TMEM71: variants seen among roughly 807,000 people sequenced by gnomAD.
The protein encoded by TMEM71 is transmembrane protein 71.
A neutral mutation model predicts 38.0 loss-of-function variants in TMEM71; 44 were observed. The ratio of observed to expected loss-of-function variants is 1.16; its 90% CI spans 0.91 to 1.49. TMEM71 has a LOEUF of 1.49. Ranked by LOEUF, TMEM71 falls within the 40% of genes most tolerant of loss-of-function variation. TMEM71 has a pLI of 0.00. For missense variants in TMEM71, 367 were observed against 348.6 expected (o/e 1.05, Z -0.42); for synonymous variants, 133 against 122.5 (o/e 1.09, Z -0.56).
intron 7 of TMEM71, among the ~76,000 whole-genome samples, chr8:132,716,855 C>T (rs1316496183): frequency 1.3e-5 from 2 of 152,176 alleles, no homozygotes; most frequent in Non-Finnish European, 2.9e-5. Context: ...TTCACAACTG[C>T]ACATTGTTCT....
Position 132,758,863 on chromosome 8 carries a change from T to C in TMEM71, c.17A>G (p.Gln6Arg). 3.7e-6 allele frequency: 6 copies of C among 1,612,568 alleles called. No individual in the cohort carries two copies. Among genetic ancestry groups the C allele is most frequent in the Non-Finnish European group, 5.1e-6 (6 of 1,178,590 alleles). MYRISQLMSTPVASSS... is the reference protein window; with the variant it reads MYRISRLMSTPVASSS... ...ACTTGCTACTGGTGTTGACATCAGT[T>C]GAGATATTCGGTACATCTTGGGAAG... The change falls in exon 2 of 10, where the codon CAA becomes CGA. Residue 6 changes from glutamine (Q) to arginine (R), a missense_variant. Coordinates refer to ENST00000677595, the MANE Select transcript of TMEM71 (RefSeq NM_001382403.1).
At chr8:132,747,255 G>A (rs1184980427) in intron 4 of TMEM71, 141 bp from the exon 5 acceptor site, 1 of 743,786 alleles carries the variant, frequency 1.3e-6, no homozygotes, top group African/African-American at 1.8e-5. Context: ...AAATTCTACT[G>A]TGTGCCAGGT....
At chr8:132,755,409 G>A (rs1012144755) in intron 3 of TMEM71, among the ~76,000 whole-genome samples, 2 of 152,200 alleles carry the variant, frequency 1.3e-5, no homozygotes, top group African/African-American at 4.8e-5. Context: ...TAGTGGATTC[G>A]TTTTTAGCAG....
At chr8:132,726,280 C>A (rs776177929) in intron 6 of TMEM71, among the ~76,000 whole-genome samples, 2 of 151,852 alleles carry the variant, frequency 1.3e-5, no homozygotes, top group Non-Finnish European at 2.9e-5. Flanking sequence ...AAAAAAAACC[C>A]TTGAACACTT....
chr8:132,719,542 C>T (rs1171698822), intron 7 of TMEM71, among the ~76,000 whole-genome samples: 1 of 152,232 alleles, frequency 6.6e-6, no homozygotes, highest in Admixed American at 6.5e-5. Flanking sequence ...CAAAATACTT[C>T]TGGTTCCAAG....
At chr8:132,707,823 C>T (rs185512732), downstream of TMEM71, among the ~76,000 whole-genome samples, 6 of 152,208 alleles carry the variant, frequency 3.9e-5, no homozygotes, top group African/African-American at 1.4e-4. Context: ...CGTATTTGAA[C>T]AATACAAGTT....
intron 3 of TMEM71, among the ~76,000 whole-genome samples, chr8:132,755,731 T>C (rs1320602591): frequency 1.3e-5 from 2 of 152,238 alleles, no homozygotes; most frequent in African/African-American, 2.4e-5. Flanking sequence ...AATGAATATA[T>C]GCACTCAGCC....
intron 7 of TMEM71, among the ~76,000 whole-genome samples, chr8:132,715,905 G>A (rs578106568): frequency 3.9e-5 from 6 of 152,308 alleles, no homozygotes; most frequent in African/African-American, 1.4e-4. Flanking sequence ...AGAAATTAAG[G>A]GAAGACAGAA....
chr8:132,768,761 A>G, the TMEM71 span, among the ~76,000 whole-genome samples: 92 of 152,220 alleles, frequency 6.0e-4, 1 homozygote, highest in Non-Finnish European at 1.1e-3. Context: ...CTGACAAATT[A>G]TCTGCCCCTT....
intron 6 of TMEM71, among the ~76,000 whole-genome samples, chr8:132,724,301 A>G (rs1336637542): frequency 6.6e-6 from 1 of 152,176 alleles, no homozygotes; most frequent in Non-Finnish European, 1.5e-5. Context: ...AGACCAGGGC[A>G]TATCTCAGTC....
chr8:132,712,553 C>A (rs1423710986), intron 9 of TMEM71, among the ~76,000 whole-genome samples: 1 of 152,096 alleles, frequency 6.6e-6, no homozygotes, highest in Admixed American at 6.5e-5. Flanking sequence ...TTTGCACTTA[C>A]CATATTAAAA....
At chr8:132,758,535 T>C (rs1829157104) in intron 2 of TMEM71, 1 of 277,228 alleles carries the variant, frequency 3.6e-6, no homozygotes, top group African/African-American at 2.2e-5. Context: ...TTCAGCATTT[T>C]TTATATACAA....
chr8:132,749,553 A>G (rs1828577465), intron 4 of TMEM71, among the ~76,000 whole-genome samples: 1 of 152,088 alleles, frequency 6.6e-6, no homozygotes, highest in Non-Finnish European at 1.5e-5. Context: ...CATTCTTTCT[A>G]CTTTTACCAG....
intron 5 of TMEM71, among the ~76,000 whole-genome samples, chr8:132,736,757 C>T (rs55936291): frequency 0.069 from 10,469 of 151,796 alleles, 500 homozygotes; most frequent in Middle Eastern, 0.12. Context: ...CTTGAGCCCA[C>T]GAGGTGGAGG....
At chr8:132,705,839 T>C (rs991130089), downstream of TMEM71, among the ~76,000 whole-genome samples, 8 of 152,330 alleles carry the variant, frequency 5.3e-5, no homozygotes, top group Middle Eastern at 6.8e-3. Flanking sequence ...TTCAGAAGTA[T>C]TGAATCTCTA....
At chr8:132,768,906 G>T in the TMEM71 span, among the ~76,000 whole-genome samples, 1 of 152,274 alleles carries the variant, frequency 6.6e-6, no homozygotes, top group Admixed American at 6.5e-5. Context: ...TGACCAGTTA[G>T]AGCCCAAATG....
upstream of TMEM71, among the ~76,000 whole-genome samples, chr8:132,761,340 T>C (rs139132899): frequency 2.0e-5 from 3 of 152,306 alleles, no homozygotes; most frequent in African/African-American, 7.2e-5. Context: ...TTCTCAATTA[T>C]AAACATAAAA....
chr8:132,746,357 A>G, intron 5 of TMEM71, among the ~76,000 whole-genome samples: 1 of 44,590 alleles, frequency 2.2e-5, no homozygotes, highest in East Asian at 4.8e-4. Flanking sequence ...ACACACAAAT[A>G]TACACACACA....
chr8:132,706,023 T>C (rs1826090541), downstream of TMEM71, among the ~76,000 whole-genome samples: 1 of 152,108 alleles, frequency 6.6e-6, no homozygotes, highest in Admixed American at 6.6e-5. Context: ...GTTTGTTCTC[T>C]TATAAAAAGA....
Sources: allele counts gnomAD v4.1 joint callset (sites outside exome capture counted in the v4.1 genomes callset), GRCh38; gene constraint gnomAD v4.1.1; transcripts MANE v1.5; gene names NCBI Gene and HGNC (gene_info 2026-07-23, HGNC 2026-07-21).